Variants in SLC44A5 observed in about 807,000 individuals in gnomAD.
SLC44A5 encodes choline transporter-like protein 5.
SLC44A5 carries 57 observed loss-of-function variants against 101.8 expected under a neutral mutation model. The observed-to-expected ratio is 0.56, with a 90% CI of 0.45 to 0.70. SLC44A5 has a LOEUF of 0.70. Ranked by LOEUF, SLC44A5 falls within the 30% of genes least tolerant of loss-of-function variation. The probability of loss-of-function intolerance (pLI) is 0.00; values close to 1 mark genes in which losing one functional copy is unlikely to be tolerated. For missense variants in SLC44A5, 737 were observed against 853.1 expected (o/e 0.86, Z 1.70); for synonymous variants, 281 against 290.9 (o/e 0.97, Z 0.35).
the SLC44A5 span, among the ~76,000 whole-genome samples, chr1:75,620,678 T>G: frequency 1.3e-5 from 2 of 152,180 alleles, no homozygotes; most frequent in African/African-American, 4.8e-5. Flanking sequence ...GATAGGGTTG[T>G]TTGTTTTTTT....
chr1:75,657,938 A>G, the SLC44A5 span, among the ~76,000 whole-genome samples: 2 of 151,860 alleles, frequency 1.3e-5, no homozygotes, highest in Admixed American at 1.3e-4. Flanking sequence ...ATTAAGCTAC[A>G]GTCTAGATCA....
chr1:75,474,569 A>C (rs1024965275), intron 2 of SLC44A5, among the ~76,000 whole-genome samples: 5 of 152,218 alleles, frequency 3.3e-5, no homozygotes, highest in Non-Finnish European at 5.9e-5. Context: ...ATAGTAAGAC[A>C]TTTACGTGTA....
chr1:75,355,699 T>C (rs1362353859), intron 3 of SLC44A5, among the ~76,000 whole-genome samples: 1 of 152,212 alleles, frequency 6.6e-6, no homozygotes, highest in Non-Finnish European at 1.5e-5. Context: ...ATAGCCATTG[T>C]AACTTCATAG....
the SLC44A5 span, among the ~76,000 whole-genome samples, chr1:75,674,759 T>C: frequency 2.6e-5 from 4 of 152,204 alleles, no homozygotes; most frequent in Admixed American, 2.0e-4. Context: ...CTAAGAGTTA[T>C]TGGCCTTAAA....
At chr1:75,207,192 T>G (rs1646764434) in intron 23 of SLC44A5, among the ~76,000 whole-genome samples, 2 of 152,170 alleles carry the variant, frequency 1.3e-5, no homozygotes, top group African/African-American at 4.8e-5. Context: ...GGCCCAGGGA[T>G]ATAAAACAAC....
At chr1:75,360,358 G>A (rs1022668752) in intron 3 of SLC44A5, among the ~76,000 whole-genome samples, 2 of 151,840 alleles carry the variant, frequency 1.3e-5, no homozygotes, top group African/African-American at 4.8e-5. Flanking sequence ...TTTCATAGAC[G>A]GGGGTCTCAC....
chr1:75,337,393 T>C (rs1336285785), intron 4 of SLC44A5, among the ~76,000 whole-genome samples: 4 of 152,162 alleles, frequency 2.6e-5, no homozygotes, highest in Admixed American at 2.0e-4. Context: ...GCATACCAAT[T>C]CTCCATCAAA....
chr1:75,434,955 G>A (rs1485592268), intron 2 of SLC44A5, among the ~76,000 whole-genome samples: 1 of 152,150 alleles, frequency 6.6e-6, no homozygotes, highest in Non-Finnish European at 1.5e-5. Context: ...CCATATTACA[G>A]TTAGGTATGG....
intron 14 of SLC44A5, 115 bp downstream of exon 14, chr1:75,222,246 G>A (rs1192107888): frequency 3.0e-5 from 23 of 761,502 alleles, no homozygotes; most frequent in South Asian, 9.9e-5. Flanking sequence ...GTGAACCACC[G>A]CGCCCAGCAA....
At chr1:75,395,813 TA>T (rs1257282248) in intron 3 of SLC44A5, among the ~76,000 whole-genome samples, 2 of 152,178 alleles carry the variant, frequency 1.3e-5, no homozygotes, top group African/African-American at 4.8e-5. Context: ...TTGCATATTT[TA>T]AAATTGCTAA....
chr1:75,647,207 A>T, the SLC44A5 span, among the ~76,000 whole-genome samples: 2 of 152,206 alleles, frequency 1.3e-5, no homozygotes, highest in East Asian at 3.9e-4. Context: ...AGCCCAGGCC[A>T]TTGCTTCAGA....
chr1:75,717,182 A>G, the SLC44A5 span, among the ~76,000 whole-genome samples: 1 of 152,034 alleles, frequency 6.6e-6, no homozygotes, highest in African/African-American at 2.4e-5. Flanking sequence ...CAGGAACAGA[A>G]AACGAAATAT....
chr1:75,336,644 C>G (rs556604368), intron 4 of SLC44A5, among the ~76,000 whole-genome samples: 4 of 152,200 alleles, frequency 2.6e-5, no homozygotes, highest in Admixed American at 2.6e-4. Flanking sequence ...TTTTCCTAGA[C>G]TTGGATCACA....
chr1:75,490,623 T>C (rs952250902), intron 2 of SLC44A5, among the ~76,000 whole-genome samples: 26 of 152,232 alleles, frequency 1.7e-4, no homozygotes, highest in African/African-American at 6.0e-4. Flanking sequence ...CATGTAATCT[T>C]GCCACTATTG....
chr1:75,346,837 G>T lies in SLC44A5; in HGVS notation c.53-7207C>A, dbSNP rs541870559. On this transcript the variant is annotated intron_variant, in intron 3 of 23. Transcript: ENST00000370859. ...TTCCTTATTTTCCTCTAGTTTCAAA[G>T]GTTATGCAATTCATTATCATGCCAG... Among the ~76,000 whole-genome samples the T allele has an allele frequency of 2.0e-5, 3 of 152,020 alleles. No individual in the cohort carries two copies. The East Asian group carries it at 5.8e-4, about 29-fold the overall frequency.
intron 2 of SLC44A5, among the ~76,000 whole-genome samples, chr1:75,423,795 A>G (rs1211360409): frequency 6.6e-6 from 1 of 152,244 alleles, no homozygotes; most frequent in Non-Finnish European, 1.5e-5. Context: ...ACACAGATAC[A>G]CTTGCATACC....
At chr1:75,503,018 A>G (rs188434826) in intron 2 of SLC44A5, among the ~76,000 whole-genome samples, 6 of 152,288 alleles carry the variant, frequency 3.9e-5, no homozygotes, top group Admixed American at 3.9e-4. Flanking sequence ...ATTAAATAAG[A>G]TAAACATACT....
chr1:75,505,173 T>A (rs1669178984), intron 2 of SLC44A5, among the ~76,000 whole-genome samples: 1 of 152,180 alleles, frequency 6.6e-6, no homozygotes, highest in Admixed American at 6.5e-5. Flanking sequence ...CATGATTTTG[T>A]TCTTTTTATG....
intron 4 of SLC44A5, among the ~76,000 whole-genome samples, chr1:75,314,352 T>TA (rs566327692): frequency 1.3e-5 from 2 of 152,090 alleles, no homozygotes; most frequent in Non-Finnish European, 2.9e-5. Flanking sequence ...GCATGGACAA[T>TA]AAAAAACACG....
Sources: allele counts gnomAD v4.1 joint callset (sites outside exome capture counted in the v4.1 genomes callset), GRCh38; gene constraint gnomAD v4.1.1; transcripts MANE v1.5; gene names NCBI Gene and HGNC (gene_info 2026-07-23, HGNC 2026-07-21).